EVC2: variants seen among roughly 807,000 people sequenced by gnomAD.
EVC2 encodes limbin.
Under a neutral mutation model 149.3 loss-of-function variants are expected in EVC2, and 148 were observed. That is an observed-to-expected ratio of 0.99 (90% CI 0.87 to 1.14). The LOEUF (loss-of-function observed/expected upper bound fraction) is 1.14. Among genes scored for constraint, EVC2 ranks in the 50% most tolerant of loss-of-function variants. The pLI, the probability that EVC2 is intolerant of heterozygous loss-of-function variation, is 0.00. For missense variants in EVC2, 1,854 were observed against 1,627.3 expected (o/e 1.14, Z -2.40); for synonymous variants, 776 against 649.9 (o/e 1.19, Z -2.95).
intron 9 of EVC2, among the ~76,000 whole-genome samples, chr4:5,641,996 G>A (rs949038413): frequency 6.6e-6 from 1 of 152,084 alleles, no homozygotes; most frequent in African/African-American, 2.4e-5. Context: ...GTGTCCATAT[G>A]TTCTCATTGT....
At chr4:5,595,081 T>C (rs549282613) in intron 16 of EVC2, among the ~76,000 whole-genome samples, 51 of 152,304 alleles carry the variant, frequency 3.3e-4, no homozygotes, top group African/African-American at 1.2e-3. Context: ...AAAGACCAAA[T>C]GTACGTCTGA....
chr4:5,621,071 T>C (rs73198148), intron 14 of EVC2, among the ~76,000 whole-genome samples: 3,606 of 152,230 alleles, frequency 0.024, 108 homozygotes, highest in African/African-American at 0.071. Context: ...AAGAGAGAGA[T>C]GGGAAAGGGC....
At chr4:5,533,228 G>C in the EVC2 span, among the ~76,000 whole-genome samples, 1 of 152,092 alleles carries the variant, frequency 6.6e-6, no homozygotes, top group Non-Finnish European at 1.5e-5. Flanking sequence ...ATTTTTAATA[G>C]GGCAACTAGT....
chr4:5,685,200 C>A (rs1274736305), intron 6 of EVC2, among the ~76,000 whole-genome samples, 170 bp downstream of exon 6: 3 of 152,146 alleles, frequency 2.0e-5, no homozygotes, highest in Admixed American at 1.3e-4. Context: ...ACTAAGGGAG[C>A]CCAGTTCATG....
intron 9 of EVC2, among the ~76,000 whole-genome samples, chr4:5,662,528 T>C (rs1329757273): frequency 1.4e-5 from 2 of 143,922 alleles, no homozygotes; most frequent in African/African-American, 2.5e-5. Context: ...TAATATTAAA[T>C]ATATTAAATA....
chr4:5,573,591 C>T (rs6839188), intron 19 of EVC2, among the ~76,000 whole-genome samples: 57,172 of 152,050 alleles, frequency 0.38, 11,658 homozygotes, highest in East Asian at 0.86. Flanking sequence ...CAGGCAAATC[C>T]GCCAACACCT....
intron 1 of EVC2, among the ~76,000 whole-genome samples, chr4:5,702,257 A>C (rs901122495): frequency 7.3e-5 from 11 of 151,658 alleles, no homozygotes; most frequent in Non-Finnish European, 1.5e-4. Flanking sequence ...CTCTCAGACC[A>C]CTCTGCCCAC....
At chr4:5,708,650 C>G (rs1159244873), upstream of EVC2, 1 of 602,490 alleles carries the variant, frequency 1.7e-6, no homozygotes, top group Non-Finnish European at 2.6e-6. Context: ...ACACCCGCAT[C>G]TGGGGCTTGG....
exon 22 of EVC2, chr4:5,543,079 G>C (rs1721546362): frequency 8.3e-7 from 1 of 1,210,180 alleles, no homozygotes; most frequent in South Asian, 1.3e-5. Flanking sequence ...CGATTGCACT[G>C]CTCAGTCCGA....
Position 5,637,584 on chromosome 4 carries a change from A to T in EVC2, c.1470+2930T>A, listed in dbSNP as rs1178269656. ...TCAGCAAATGTGTATACTGTGATGTAAAGTGAAAATAAGACATATATACAA... is the reference window on the plus strand; with the variant it reads ...TCAGCAAATGTGTATACTGTGATGTTAAGTGAAAATAAGACATATATACAA... On this transcript the variant is annotated intron_variant, in intron 10 of 21. Coordinates refer to ENST00000344408, the MANE Select transcript of EVC2 (RefSeq NM_147127.5). This position sits in a 1 kb window ranked among gnomAD's most constrained non-coding sequence, Gnocchi z 4.4. 6.6e-6 allele frequency among the ~76,000 whole-genome samples: 1 copy of T among 152,234 alleles called. No homozygotes were observed. Among genetic ancestry groups the T allele is most frequent in the Non-Finnish European group, 1.5e-5 (1 of 68,042 alleles).
chr4:5,640,284 T>C lies in EVC2; in HGVS notation c.1470+230A>G, dbSNP rs1188709833. On this transcript the variant is annotated intron_variant, in intron 10 of 21. Coordinates refer to ENST00000344408, the MANE Select transcript of EVC2 (RefSeq NM_147127.5). The surrounding 1 kb of genome is among the most constrained non-coding windows in gnomAD (Gnocchi z 4.6). ...ACAGATGATTGGATGAGTGGGTGGA[T>C]GGATGAGTGGGTGAATGGGTAGATG... Among the ~76,000 whole-genome samples, 1 of 151,298 alleles carries C rather than the reference T, an allele frequency of 6.6e-6. No individual in the cohort carries two copies. The highest frequency in any genetic ancestry group is 1.5e-5 in the Non-Finnish European group (1 of 67,850).
Position 5,622,619 on chromosome 4 carries a change from T to G in EVC2, c.2419A>C (p.Arg807=). Residue 807 remains arginine, a synonymous_variant, in exon 14 of 22, where the codon AGG becomes CGG. Coordinates refer to ENST00000344408, the MANE Select transcript of EVC2 (RefSeq NM_147127.5). This position sits in a 1 kb window ranked among gnomAD's most constrained non-coding sequence, Gnocchi z 5.8. ...GGAGCGTCATCCTTCAGTCTCTGCC[T>G]CACGCTCTGGACACCCTCCTGGTCC... ...DRDQEGVQSV[R]QRLKDDAPEA... 1 of 1,613,976 alleles carries G rather than the reference T, an allele frequency of 6.2e-7. No homozygotes were observed. Among genetic ancestry groups the G allele is most frequent in the Non-Finnish European group, 8.5e-7 (1 of 1,179,986 alleles).
At chr4:5,580,043 T>C (rs1488276638) in intron 17 of EVC2, among the ~76,000 whole-genome samples, 1 of 152,206 alleles carries the variant, frequency 6.6e-6, no homozygotes, top group Non-Finnish European at 1.5e-5. Context: ...TGTTCCAATT[T>C]TGCAAAATGA....
At chr4:5,596,917 T>A (rs1338471233) in intron 16 of EVC2, among the ~76,000 whole-genome samples, 2 of 152,098 alleles carry the variant, frequency 1.3e-5, no homozygotes, top group Non-Finnish European at 2.9e-5. Flanking sequence ...CAAACTACCA[T>A]CAGAGAATAC....
chr4:5,645,434 C>CT (rs1004022493), intron 9 of EVC2, among the ~76,000 whole-genome samples: 1 of 151,212 alleles, frequency 6.6e-6, no homozygotes, highest in African/African-American at 2.5e-5. Context: ...CTGATAGGCC[C>CT]TAATGTCTGT....
At chr4:5,685,902 G>C (rs889185176) in intron 5 of EVC2, among the ~76,000 whole-genome samples, 1 of 152,146 alleles carries the variant, frequency 6.6e-6, no homozygotes, top group Admixed American at 6.5e-5. Context: ...GGTGGGTGAT[G>C]GAGCCCGTCT....
At chr4:5,663,035 T>C in intron 9 of EVC2, 72 bp downstream of exon 9, 4 of 1,581,356 alleles carry the variant, frequency 2.5e-6, no homozygotes, top group Non-Finnish European at 3.5e-6. Context: ...ATACTCAGCA[T>C]TTGGCCTTAT....
At position 5,708,356 on chromosome 4, in the gene EVC2, G is replaced by A; in HGVS notation, c.158C>T (p.Ala53Val). Residue 53 changes from alanine (A) to valine (V), a missense_variant, in exon 1 of 22, where the codon GCT (alanine) becomes GTT (valine). Coordinates refer to ENST00000344408, the MANE Select transcript of EVC2 (RefSeq NM_147127.5). ...CCTCAGGCCGGGCCCAGACCTAGGA[G>A]CCACCTGGGGATCCCGGGGTGGCTG... ...GAQPPRDPQV[A>V]PRSGPGLRIP... The A allele has an allele frequency of 6.7e-7, 1 of 1,486,346 alleles. No homozygotes were observed. Among genetic ancestry groups the A allele is most frequent in the Non-Finnish European group, 8.9e-7 (1 of 1,124,598 alleles). The allele number at this position is 1,486,346 out of a possible 1,614,324, so 92.1% of individuals were successfully genotyped here. A position where few individuals can be genotyped will look rare whatever the true frequency, so the allele number is the denominator to read the frequency against.
At chr4:5,560,556 C>T (rs980984755), downstream of EVC2, among the ~76,000 whole-genome samples, 7 of 152,120 alleles carry the variant, frequency 4.6e-5, no homozygotes, top group African/African-American at 1.4e-4. The surrounding 1 kb of genome is among the most constrained non-coding windows in gnomAD (Gnocchi z 4.1). Context: ...CCCCATGATC[C>T]AATTACCACC....
Sources: allele counts gnomAD v4.1 joint callset (sites outside exome capture counted in the v4.1 genomes callset), GRCh38; gene constraint gnomAD v4.1.1; non-coding constraint Gnocchi (gnomAD v3.1); transcripts MANE v1.5; gene names NCBI Gene and HGNC (gene_info 2026-07-23, HGNC 2026-07-21).